CRY1: variants seen among roughly 807,000 people sequenced by gnomAD.
CRY1 encodes the protein cryptochrome circadian regulator 1, also known as cryptochrome-1.
A neutral mutation model predicts 76.0 loss-of-function variants in CRY1; 45 were observed. That is an observed-to-expected ratio of 0.59 (90% confidence interval 0.47 to 0.76). The LOEUF (loss-of-function observed/expected upper bound fraction) is 0.76, where lower values mean the gene tolerates loss of function less well. Ranked by LOEUF, CRY1 falls within the 30% of genes least tolerant of loss-of-function variation. The pLI, the probability that CRY1 is intolerant of heterozygous loss-of-function variation, is 0.00. For missense variants in CRY1, 587 were observed against 716.4 expected (o/e 0.82, Z 2.06); for synonymous variants, 248 against 244.0 (o/e 1.02, Z -0.15).
intron 1 of CRY1, among the ~76,000 whole-genome samples, chr12:107,062,595 A>ACATACACCTCAT (rs1424695224): frequency 6.6e-6 from 1 of 152,192 alleles, no homozygotes; most frequent in Admixed American, 6.6e-5. Context: ...TTTCTGTGAT[A>ACATACACCTCAT]AAATAGTAAG....
At chr12:107,011,788 T>A (rs897909102) in intron 2 of CRY1, among the ~76,000 whole-genome samples, 1 of 152,236 alleles carries the variant, frequency 6.6e-6, no homozygotes, top group African/African-American at 2.4e-5. Flanking sequence ...CAGATCTATC[T>A]AAGATAATGA....
intron 2 of CRY1, among the ~76,000 whole-genome samples, chr12:107,011,389 G>A (rs1440466999): frequency 6.6e-6 from 1 of 151,752 alleles, no homozygotes; most frequent in Non-Finnish European, 1.5e-5. Flanking sequence ...AGAAAGCTGA[G>A]GCAGGCCAAA....
Position 107,092,908 on chromosome 12 carries a change from G to C in CRY1, c.54C>G (p.Asn18Lys). Reference sequence around the variant, plus strand: ...CCTGAATGCACTCCTTCAGGGCGGGGTTGTCGTGGAGCCGGAGCCCCTTTC... The same window carrying C: ...CCTGAATGCACTCCTTCAGGGCGGGCTTGTCGTGGAGCCGGAGCCCCTTTC... ...WFRKGLRLHDNPALKECIQGA... is the reference protein window; with the variant it reads ...WFRKGLRLHDKPALKECIQGA... Residue 18 changes from asparagine to lysine, a missense_variant, in exon 1 of 13, where the codon AAC (asparagine) becomes AAG (lysine). Asn to Lys is a moderately conservative substitution (Grantham distance 94, BLOSUM62 0). Coordinates refer to ENST00000008527, the MANE Select transcript of CRY1 (RefSeq NM_004075.5). 6.2e-7 allele frequency: 1 copy of C among 1,608,172 alleles called. No individual in the cohort carries two copies. Among genetic ancestry groups the C allele is most frequent in the Non-Finnish European group, 8.5e-7 (1 of 1,178,276 alleles).
intron 12 of CRY1, chr12:106,992,386 T>C (rs1227608319): frequency 6.4e-6 from 1 of 156,094 alleles, no homozygotes; most frequent in Non-Finnish European, 1.4e-5. Context: ...AAGAAATTTA[T>C]CAACATTTAA....
In CRY1 at chr12:107,026,162, T is replaced by TATATTATATATATATTACATATATATAAA. The variant is rs1565829200; in HGVS notation, c.159-3971_159-3970insTTTATATATATGTAATATATATATAATAT. On this transcript the variant is annotated intron_variant, in intron 1 of 12. Transcript: ENST00000008527. ...ATATATTACATATATATATAAAATA[T>TATATTATATATATATTACATATATATAAA]ATATATATATATTACATATATATAT... 2.5e-3 allele frequency among the ~76,000 whole-genome samples: 54 copies of TATATTATATATATATTACATATATATAAA among 21,870 alleles called. 2 individuals carry two copies. The highest frequency in any genetic ancestry group is 0.01 in the African/African-American group (54 of 5,350). The allele number at this position is 21,870 out of a possible 152,430, so 14.3% of individuals were successfully genotyped here. A position where few individuals can be genotyped will look rare whatever the true frequency, so the allele number is the denominator to read the frequency against.
intron 7 of CRY1, among the ~76,000 whole-genome samples, chr12:106,998,764 C>T (rs890768372): frequency 2.6e-5 from 4 of 151,484 alleles, no homozygotes; most frequent in South Asian, 2.1e-4. Flanking sequence ...ACGTAATGGC[C>T]GGGCACGGTG....
At chr12:106,997,159 C>A (rs1276887594) in intron 10 of CRY1, 135 bp downstream of exon 10, 2 of 750,760 alleles carry the variant, frequency 2.7e-6, no homozygotes, top group Non-Finnish European at 4.6e-6. Context: ...CACATGTATG[C>A]ATGCATACAA....
intron 1 of CRY1, among the ~76,000 whole-genome samples, chr12:107,039,133 AT>A (rs1449130827): frequency 6.6e-6 from 1 of 152,198 alleles, no homozygotes; most frequent in African/African-American, 2.4e-5. Flanking sequence ...CTCAAAAAAA[AT>A]AAAATAAATA....
At chr12:107,038,382 AAG>A (rs762492152) in intron 1 of CRY1, among the ~76,000 whole-genome samples, 2 of 152,204 alleles carry the variant, frequency 1.3e-5, no homozygotes, top group African/African-American at 4.8e-5. Flanking sequence ...GAGAAGGCTG[AAG>A]AGAGAGCAGA....
At chr12:107,090,486 C>T (rs1351107310) in intron 1 of CRY1, among the ~76,000 whole-genome samples, 1 of 152,166 alleles carries the variant, frequency 6.6e-6, no homozygotes, top group Non-Finnish European at 1.5e-5. Context: ...TTCACAGCTC[C>T]ACAATTTATA....
chr12:107,033,518 T>A (rs891612301), intron 1 of CRY1, among the ~76,000 whole-genome samples: 2 of 152,174 alleles, frequency 1.3e-5, no homozygotes, highest in Non-Finnish European at 2.9e-5. Context: ...AATCCTGCAA[T>A]ATACAAAACA....
In CRY1 at chr12:106,999,876, G is replaced by C; in HGVS notation, c.826-14C>G. 1 of 1,597,606 alleles carries C rather than the reference G, an allele frequency of 6.3e-7. No homozygotes were observed. Among genetic ancestry groups the C allele is most frequent in the Non-Finnish European group, 8.5e-7 (1 of 1,174,696 alleles). On this transcript the variant is annotated splice_polypyrimidine_tract_variant and intron_variant, in intron 6 of 12. Transcript: ENST00000008527. ...GTTCTTCTTTACCTATGGTTAAAAA[G>C]CAAAGAAGTATTATCAGAATTTTTT...
At chr12:107,081,289 A>G (rs1263544202) in intron 1 of CRY1, among the ~76,000 whole-genome samples, 1 of 152,112 alleles carries the variant, frequency 6.6e-6, no homozygotes, top group East Asian at 1.9e-4. Context: ...ACATTAACAT[A>G]TAAATTATAT....
At chr12:107,030,472 G>C (rs1952662720) in intron 1 of CRY1, among the ~76,000 whole-genome samples, 1 of 152,128 alleles carries the variant, frequency 6.6e-6, no homozygotes, top group Non-Finnish European at 1.5e-5. Flanking sequence ...TAATTTGACA[G>C]CTTTAAGAAC....
rs1479832857 is a variant in CRY1, at chr12:106,999,290, T to C, written c.1137+261A>G. 2.0e-5 allele frequency among the ~76,000 whole-genome samples: 3 copies of C among 152,144 alleles called. No individual in the cohort carries two copies. The East Asian group carries it at 5.8e-4, about 29-fold the overall frequency. ...ATCTATCAACAAATTCAGTGTTAAA[T>C]TTTACAGTTCTCTTAGTGGCTAGGC... On this transcript the variant is annotated intron_variant, in intron 7 of 12. Coordinates refer to ENST00000008527, the MANE Select transcript of CRY1 (RefSeq NM_004075.5).
chr12:107,006,427 TG>T (rs1295064237), intron 2 of CRY1, among the ~76,000 whole-genome samples: 1 of 152,110 alleles, frequency 6.6e-6, no homozygotes, highest in Admixed American at 6.5e-5. Flanking sequence ...TTTACCTTTA[TG>T]CACACATCTT....
At chr12:107,026,967 C>T (rs1338024936) in intron 1 of CRY1, among the ~76,000 whole-genome samples, 1 of 152,032 alleles carries the variant, frequency 6.6e-6, no homozygotes, top group Non-Finnish European at 1.5e-5. Flanking sequence ...GTCAATGTGA[C>T]TATAAATATT....
intron 1 of CRY1, among the ~76,000 whole-genome samples, chr12:107,053,404 C>T (rs184915549): frequency 1.5e-3 from 234 of 152,202 alleles, no homozygotes; most frequent in African/African-American, 5.2e-3. Context: ...ATAACCTCTG[C>T]CTCCCGGGTT....
At chr12:106,997,117 T>C (rs1201451527) in intron 10 of CRY1, among the ~76,000 whole-genome samples, 177 bp downstream of exon 10, 1 of 152,224 alleles carries the variant, frequency 6.6e-6, no homozygotes, top group Admixed American at 6.5e-5. Flanking sequence ...CTCTAAAATG[T>C]CATCAATGGA....
Sources: allele counts gnomAD v4.1 joint callset (sites outside exome capture counted in the v4.1 genomes callset), GRCh38; gene constraint gnomAD v4.1.1; transcripts MANE v1.5; gene names NCBI Gene and HGNC (gene_info 2026-07-23, HGNC 2026-07-21).